BRAF: variants seen among roughly 807,000 people sequenced by gnomAD.
BRAF encodes B-Raf proto-oncogene, serine/threonine kinase.
A neutral mutation model predicts 104.6 loss-of-function variants in BRAF; 16 were observed. That is an observed-to-expected ratio of 0.15 (90% CI 0.10 to 0.23). BRAF has a LOEUF of 0.23. Ranked by LOEUF, BRAF falls within the 10% of genes least tolerant of loss-of-function variation. The pLI, the probability that BRAF is intolerant of heterozygous loss-of-function variation, is 1.00. For synonymous variants in BRAF, 310 were observed against 341.6 expected, an observed-to-expected ratio of 0.91 and a Z score of 1.02; for missense variants, 541 against 937.3, an observed-to-expected ratio of 0.58 and a Z score of 5.52.
At chr7:140,781,828 T>G in intron 11 of BRAF, 135 bp from the exon 11 acceptor site, 1 of 730,448 alleles carries the variant, frequency 1.4e-6, no homozygotes, top group Admixed American at 2.2e-5. Context: ...TCTGGAAGAA[T>G]AGTAGTTAAA....
chr7:140,807,575 GA>G (rs1163789754), intron 5 of BRAF, among the ~76,000 whole-genome samples: 1 of 151,814 alleles, frequency 6.6e-6, no homozygotes, highest in Non-Finnish European at 1.5e-5. Flanking sequence ...AAAAAGAAAG[GA>G]AAAAACTTTA....
chr7:140,810,483 T>C (rs950187753), intron 3 of BRAF, among the ~76,000 whole-genome samples: 3 of 151,998 alleles, frequency 2.0e-5, no homozygotes, highest in African/African-American at 7.3e-5. Context: ...GGCACGATAA[T>C]CACTTGAACC....
At chr7:140,734,792 AAAAAGAAAAAAAAAG>A in intron 18 of BRAF, 22 bp from the exon 18 acceptor site, 1 of 1,199,658 alleles carries the variant, frequency 8.3e-7, no homozygotes. Flanking sequence ...AAAAGAAAAA[AAAAAGAAAAAAAAAG>A]AAAAAAGAAA....
At chr7:140,898,248 T>C (rs972618149) in intron 1 of BRAF, among the ~76,000 whole-genome samples, 1 of 151,774 alleles carries the variant, frequency 6.6e-6, no homozygotes, top group Non-Finnish European at 1.5e-5. Flanking sequence ...GAAGGAAATA[T>C]TTGACATGAT....
At chr7:140,749,528 A>C (rs1043710522) in intron 16 of BRAF, 110 bp from the exon 16 acceptor site, 1 of 1,147,988 alleles carries the variant, frequency 8.7e-7, no homozygotes, top group African/African-American at 1.5e-5. Flanking sequence ...CACCTGTCTA[A>C]TATGTAATCA....
chr7:140,752,197 A>G (rs1020616750), intron 16 of BRAF, among the ~76,000 whole-genome samples: 6 of 152,208 alleles, frequency 3.9e-5, no homozygotes, highest in African/African-American at 9.6e-5. Flanking sequence ...TAGTACTACA[A>G]TTATCCTCCT....
intron 14 of BRAF, among the ~76,000 whole-genome samples, chr7:140,764,260 A>G (rs1181536833): frequency 4.6e-5 from 7 of 151,618 alleles, no homozygotes; most frequent in South Asian, 2.1e-4. Context: ...CTTCATGCTA[A>G]AAACTCTCAA....
intron 2 of BRAF, among the ~76,000 whole-genome samples, chr7:140,837,976 A>C (rs565711831): frequency 6.6e-6 from 1 of 152,010 alleles, no homozygotes; most frequent in African/African-American, 2.4e-5. Context: ...GTTTTCTCTC[A>C]TATCATCTAC....
At chr7:140,923,860 T>G (rs1029219584) in intron 1 of BRAF, among the ~76,000 whole-genome samples, 1 of 151,928 alleles carries the variant, frequency 6.6e-6, no homozygotes, top group East Asian at 1.9e-4. Context: ...AACTGGAAAA[T>G]GAGCGGGCGG....
intron 3 of BRAF, among the ~76,000 whole-genome samples, chr7:140,819,902 G>T (rs950607370): frequency 1.3e-5 from 2 of 151,956 alleles, no homozygotes; most frequent in Non-Finnish European, 2.9e-5. Context: ...GAATTATCAC[G>T]GCCACAGAAC....
At chr7:140,841,483 T>C (rs1356606897) in intron 2 of BRAF, among the ~76,000 whole-genome samples, 1 of 152,210 alleles carries the variant, frequency 6.6e-6, no homozygotes, top group Non-Finnish European at 1.5e-5. Flanking sequence ...AACATATAAG[T>C]AGCCCAAATG....
chr7:140,886,924 G>T (rs997507382), intron 1 of BRAF, among the ~76,000 whole-genome samples: 2 of 152,000 alleles, frequency 1.3e-5, no homozygotes, highest in Admixed American at 1.3e-4. Flanking sequence ...GTTTAATCTG[G>T]CAATAATGTT....
chr7:140,763,342 C>G (rs1310976559), intron 14 of BRAF, among the ~76,000 whole-genome samples: 2 of 144,638 alleles, frequency 1.4e-5, no homozygotes, highest in Admixed American at 1.4e-4. Flanking sequence ...GGGGCTGACC[C>G]CCCCACCTCC....
chr7:140,829,712 C>T (rs981628742), intron 3 of BRAF, among the ~76,000 whole-genome samples: 1 of 152,188 alleles, frequency 6.6e-6, no homozygotes, highest in Non-Finnish European at 1.5e-5. Context: ...CCGCAGATTA[C>T]CAGTTTATCT....
At position 140,720,979 on chromosome 7, in the gene BRAF, C is replaced by T. The variant is rs1030559812; in HGVS notation, c.*5515G>A. 5.1e-5 allele frequency: 54 copies of T among 1,064,158 alleles called. No individual in the cohort carries two copies. Among genetic ancestry groups the T allele is most frequent in the African/African-American group, 2.3e-4 (14 of 60,966 alleles). The allele number at this position is 1,064,158 out of a possible 1,614,324, so 65.9% of individuals were successfully genotyped here. On this transcript the variant is annotated 3_prime_UTR_variant, in exon 20 of 20. Transcript: ENST00000644969. The stretch of plus-strand genomic sequence containing the variant: ...GTGCTGGAGAATGAACTCGGCTGGC[C>T]GGGAGAAGCAGATGGTTTGTACAAA...
intron 1 of BRAF, among the ~76,000 whole-genome samples, chr7:140,923,510 G>GA (rs1357225009): frequency 6.6e-6 from 1 of 152,002 alleles, no homozygotes; most frequent in African/African-American, 2.4e-5. Context: ...AAAGGAAAAG[G>GA]AAAAAAATAG....
intron 7 of BRAF, among the ~76,000 whole-genome samples, chr7:140,798,262 C>CTTTTTTTTCCTTTTTT (rs1554402845): frequency 3.1e-5 from 1 of 32,622 alleles, no homozygotes; most frequent in South Asian, 7.7e-4. Context: ...TGTATGGGGA[C>CTTTTTTTTCCTTTTTT]TTTTTTTTTC....
chr7:140,751,588 C>T (rs531065889), intron 16 of BRAF, among the ~76,000 whole-genome samples: 2 of 152,276 alleles, frequency 1.3e-5, no homozygotes, highest in East Asian at 3.9e-4. Flanking sequence ...ACTAGTCCAA[C>T]TCAACATTTC....
intron 14 of BRAF, among the ~76,000 whole-genome samples, chr7:140,774,626 C>T (rs1265148822): frequency 1.3e-5 from 2 of 152,202 alleles, no homozygotes; most frequent in Non-Finnish European, 2.9e-5. Context: ...AAGTGATCCT[C>T]CCAACTCAGC....
Sources: gnomAD v4.1 joint callset for allele counts (sites outside exome capture counted in the v4.1 genomes callset) on GRCh38, gnomAD v4.1.1 for gene constraint, MANE v1.5 for transcripts, NCBI Gene and HGNC (gene_info 2026-07-23, HGNC 2026-07-21) for gene names.